The following LMX1A variants were observed in gnomAD, a reference collection of about 807,000 sequenced individuals.
LMX1A encodes the protein LIM homeobox transcription factor 1-alpha.
Under a neutral mutation model 49.1 loss-of-function variants are expected in LMX1A, and 15 were observed. That is an observed-to-expected ratio of 0.31 (90% CI 0.20 to 0.47). LMX1A has a LOEUF of 0.47. LMX1A is among the 20% of genes least tolerant of loss of function. The probability of loss-of-function intolerance (pLI) is 1.00; values close to 1 mark genes in which losing one functional copy is unlikely to be tolerated. For missense variants in LMX1A, 372 were observed against 475.8 expected (o/e 0.78, Z 2.03); for synonymous variants, 167 against 185.7 (o/e 0.90, Z 0.82).
chr1:165,296,107 C>T (rs1399580801), intron 3 of LMX1A, among the ~76,000 whole-genome samples: 1 of 152,186 alleles, frequency 6.6e-6, no homozygotes, highest in African/African-American at 2.4e-5. Context: ...TATTTCCCAA[C>T]ATATCTCCCC....
chr1:165,303,766 C>T (rs1344478699), intron 3 of LMX1A, among the ~76,000 whole-genome samples: 3 of 152,182 alleles, frequency 2.0e-5, no homozygotes, highest in Non-Finnish European at 4.4e-5. Flanking sequence ...GAGTCAGCCT[C>T]CTGCTAGATC....
chr1:165,204,636 A>G (rs1049033111), intron 8 of LMX1A, among the ~76,000 whole-genome samples: 1 of 152,248 alleles, frequency 6.6e-6, no homozygotes, highest in Non-Finnish European at 1.5e-5. Flanking sequence ...CTGGAGGCAA[A>G]GAATGTTCTG....
rs575360526 is a variant in LMX1A at position 165,228,213 on chromosome 1, G to A, written c.497-14400C>T. 7.8e-5 allele frequency among the ~76,000 whole-genome samples: 9 copies of A among 115,412 alleles called. No individual in the cohort carries two copies. In the South Asian group the frequency reaches 2.3e-3, roughly 29 times the overall value. 75.7% of individuals were successfully genotyped at this position (115,412 alleles called of 152,430 possible). ...TGATGGATGTTATTTTGGAGAGAAC[G>A]GTGCTATAGTTTAGATAGCCCTGCT... is the stretch of plus-strand genomic sequence containing the variant. On this transcript the variant is annotated intron_variant, in intron 4 of 8. Transcript: ENST00000342310.
chr1:165,220,227 A>C (rs537589162), intron 4 of LMX1A, among the ~76,000 whole-genome samples: 4 of 152,194 alleles, frequency 2.6e-5, no homozygotes, highest in Non-Finnish European at 2.9e-5. Context: ...AAAGATACTA[A>C]AGTATATTAA....
intron 3 of LMX1A, among the ~76,000 whole-genome samples, chr1:165,339,848 C>G (rs2101761270): frequency 6.6e-6 from 1 of 152,302 alleles, no homozygotes; most frequent in African/African-American, 2.4e-5. Context: ...CACTGTCCCT[C>G]CTGGATCTTC....
chr1:165,270,551 G>A (rs1042772236), intron 3 of LMX1A, among the ~76,000 whole-genome samples: 4 of 152,196 alleles, frequency 2.6e-5, no homozygotes, highest in Non-Finnish European at 1.5e-5. Context: ...CACTCAAGGT[G>A]TGTCAAACAG....
chr1:165,248,744 T>G (rs1049211145), intron 4 of LMX1A, among the ~76,000 whole-genome samples: 5 of 152,138 alleles, frequency 3.3e-5, no homozygotes, highest in African/African-American at 4.8e-5. Context: ...GGCAGTTCAG[T>G]GATTGTGGTA....
At chr1:165,212,753 T>C (rs1239530660) in intron 5 of LMX1A, 1 of 152,224 alleles carries the variant, frequency 6.6e-6, no homozygotes, top group Non-Finnish European at 1.5e-5. Context: ...CCAATATCTA[T>C]TCTTTCTTCA....
At chr1:165,343,738 A>G (rs6426911) in intron 3 of LMX1A, among the ~76,000 whole-genome samples, 121,001 of 152,056 alleles carry the variant, frequency 0.8, 48,522 homozygotes, top group Middle Eastern at 0.91. Context: ...TAAGAAAAAA[A>G]GTGGGTGCAT....
intron 5 of LMX1A, among the ~76,000 whole-genome samples, chr1:165,211,578 A>G (rs1340857412): frequency 6.6e-6 from 1 of 152,216 alleles, no homozygotes; most frequent in Admixed American, 6.5e-5. Context: ...AGCTCCTTGA[A>G]TAAACGTGTG....
intron 3 of LMX1A, among the ~76,000 whole-genome samples, chr1:165,257,190 A>G (rs1218333853): frequency 1.3e-5 from 2 of 152,124 alleles, no homozygotes; most frequent in Admixed American, 1.3e-4. Flanking sequence ...TATGAACTCA[A>G]AGAGAATCTG....
chr1:165,339,125 C>T (rs926216266), intron 3 of LMX1A, among the ~76,000 whole-genome samples: 2 of 152,184 alleles, frequency 1.3e-5, no homozygotes, highest in Admixed American at 1.3e-4. Flanking sequence ...AGAATTAAAG[C>T]TCAAAGATTC....
intron 3 of LMX1A, among the ~76,000 whole-genome samples, chr1:165,277,116 A>G (rs1297596653): frequency 6.6e-6 from 1 of 152,244 alleles, no homozygotes; most frequent in East Asian, 1.9e-4. Context: ...TGTTTGCCAC[A>G]GGAATGGTGA....
chr1:165,268,697 C>T (rs1653698555), intron 3 of LMX1A, among the ~76,000 whole-genome samples: 1 of 152,236 alleles, frequency 6.6e-6, no homozygotes, highest in South Asian at 2.1e-4. Flanking sequence ...TAATTAACCT[C>T]TCTGAGCCTG....
chr1:165,290,078 G>C (rs969471567), intron 3 of LMX1A, among the ~76,000 whole-genome samples: 2 of 152,204 alleles, frequency 1.3e-5, no homozygotes, highest in Non-Finnish European at 2.9e-5. Context: ...CCTGAGACAT[G>C]AAGCCCTCAG....
At chr1:165,239,836 A>G (rs1652582345) in intron 4 of LMX1A, among the ~76,000 whole-genome samples, 1 of 152,204 alleles carries the variant, frequency 6.6e-6, no homozygotes, top group South Asian at 2.1e-4. Flanking sequence ...CCACTGCACC[A>G]AGCCTTTGGG....
At chr1:165,209,653 G>A (rs1651281215) in intron 6 of LMX1A, among the ~76,000 whole-genome samples, 1 of 152,180 alleles carries the variant, frequency 6.6e-6, no homozygotes. Flanking sequence ...GGAGGGCATG[G>A]AAGCTTCACA....
chr1:165,253,637 G>T (rs1653132586), intron 3 of LMX1A, among the ~76,000 whole-genome samples: 1 of 152,250 alleles, frequency 6.6e-6, no homozygotes, highest in Non-Finnish European at 1.5e-5. Context: ...TTCAACAGCT[G>T]CCTGGAAGCA....
intron 3 of LMX1A, among the ~76,000 whole-genome samples, chr1:165,289,475 C>G (rs1386760048): frequency 6.6e-6 from 1 of 152,244 alleles, no homozygotes; most frequent in Non-Finnish European, 1.5e-5. Context: ...GTTGCCAAGG[C>G]TCCCTGGCTT....
Sources: allele counts gnomAD v4.1 joint callset (sites outside exome capture counted in the v4.1 genomes callset), GRCh38; gene constraint gnomAD v4.1.1; transcripts MANE v1.5; gene names NCBI Gene and HGNC (gene_info 2026-07-23, HGNC 2026-07-21).